PARM1: variants seen among roughly 807,000 people sequenced by gnomAD.
PARM1 encodes WSC4, cell wall integrity and stress response component 4 homolog.
PARM1 carries 14 observed loss-of-function variants against 24.6 expected under a neutral mutation model. The observed-to-expected ratio is 0.57, with a 90% confidence interval of 0.38 to 0.89. PARM1 has a LOEUF of 0.89. Among genes scored for constraint, PARM1 ranks in the 40% least tolerant of loss-of-function variants. PARM1 has a pLI of 0.00. For missense variants in PARM1, 362 were observed against 380.4 expected, an observed-to-expected ratio of 0.95 and a Z score of 0.40; for synonymous variants, 179 against 156.6, an observed-to-expected ratio of 1.14 and a Z score of -1.07.
intron 1 of PARM1, among the ~76,000 whole-genome samples, chr4:74,990,711 A>T (rs143019750): frequency 5.3e-5 from 8 of 152,316 alleles, no homozygotes; most frequent in African/African-American, 1.9e-4. Flanking sequence ...TCAACCAAGC[A>T]TAGTAAATTA....
intron 1 of PARM1, among the ~76,000 whole-genome samples, chr4:74,965,803 C>T (rs371424729): frequency 2.0e-5 from 3 of 152,230 alleles, no homozygotes. Context: ...TCAAAAGTGT[C>T]AAGGTGATGA....
chr4:74,945,973 A>T (rs1269394911), intron 1 of PARM1, among the ~76,000 whole-genome samples: 1 of 152,202 alleles, frequency 6.6e-6, no homozygotes, highest in African/African-American at 2.4e-5. Flanking sequence ...TTTAGGGGTG[A>T]TCTAGGCCAA....
intron 2 of PARM1, among the ~76,000 whole-genome samples, chr4:75,025,875 C>T (rs866255812): frequency 1.3e-5 from 2 of 152,264 alleles, no homozygotes; most frequent in East Asian, 1.9e-4. Flanking sequence ...CCTCACAGTT[C>T]GAATCCCAAT....
intron 1 of PARM1, among the ~76,000 whole-genome samples, chr4:74,951,709 A>G (rs1281982283): frequency 6.6e-6 from 1 of 151,876 alleles, no homozygotes; most frequent in Non-Finnish European, 1.5e-5. Flanking sequence ...TTCCTGTGTT[A>G]GTTTGCTGAG....
At chr4:74,946,937 G>A (rs1036531565) in intron 1 of PARM1, among the ~76,000 whole-genome samples, 25 of 152,240 alleles carry the variant, frequency 1.6e-4, no homozygotes, top group Admixed American at 9.8e-4. Context: ...CTAAGCCTGC[G>A]TTTATTTTGT....
chr4:74,953,902 G>C (rs1474119158), intron 1 of PARM1, among the ~76,000 whole-genome samples: 1 of 152,128 alleles, frequency 6.6e-6, no homozygotes, highest in Non-Finnish European at 1.5e-5. Context: ...CTGGTGAAGT[G>C]GCCTATCTCT....
chr4:75,025,924 T>C (rs969250787), intron 2 of PARM1, among the ~76,000 whole-genome samples: 1 of 152,184 alleles, frequency 6.6e-6, no homozygotes, highest in African/African-American at 2.4e-5. Flanking sequence ...AGTATAAACA[T>C]GAGGTAAAAC....
chr4:74,944,033 A>G (rs906704453), intron 1 of PARM1, among the ~76,000 whole-genome samples: 2 of 152,194 alleles, frequency 1.3e-5, no homozygotes, highest in Non-Finnish European at 2.9e-5. Context: ...CCTGCACCTT[A>G]GCTGAGGTGG....
At chr4:74,999,884 G>A (rs1411710766) in intron 1 of PARM1, among the ~76,000 whole-genome samples, 1 of 152,150 alleles carries the variant, frequency 6.6e-6, no homozygotes, top group African/African-American at 2.4e-5. Context: ...GACTCATTTT[G>A]AAAACTGCCC....
In PARM1 at chr4:74,950,530, G is replaced by A. The variant is rs527289820; in HGVS notation, c.43+17160G>A. 9.2e-5 allele frequency among the ~76,000 whole-genome samples: 14 copies of A among 152,298 alleles called. No homozygotes were observed. In the South Asian group the frequency reaches 2.9e-3, roughly 32 times the overall value. On this transcript the variant is annotated intron_variant, in intron 1 of 3. Coordinates refer to ENST00000307428, the MANE Select transcript of PARM1 (RefSeq NM_015393.4). ...CTTAACCTGATTATATCTGCAAAGA[G>A]CTTATTTCCAAACAAGGTGACATTC...
At position 74,979,117 on chromosome 4, in the gene PARM1, C is replaced by T. The variant is rs574580596; in HGVS notation, c.44-33308C>T. On this transcript the variant is annotated intron_variant, in intron 1 of 3. Transcript: ENST00000307428. ...AGAAACAACCAAGATCAGAGAGGAA[C>T]AGAAGGAGATAGAGACGCACACACA... is the stretch of plus-strand genomic sequence containing the variant. 2.3e-3 allele frequency among the ~76,000 whole-genome samples: 350 copies of T among 151,396 alleles called. 2 individuals carry two copies. The highest frequency in any genetic ancestry group is 7.7e-3 in the African/African-American group (319 of 41,246).
chr4:75,001,389 T>C (rs1286760826), intron 1 of PARM1, among the ~76,000 whole-genome samples: 2 of 152,162 alleles, frequency 1.3e-5, no homozygotes, highest in Admixed American at 1.3e-4. Flanking sequence ...ATAATTCCAT[T>C]TATATGAAGT....
chr4:74,985,379 G>T (rs1165251519), intron 1 of PARM1, among the ~76,000 whole-genome samples: 1 of 152,132 alleles, frequency 6.6e-6, no homozygotes, highest in Non-Finnish European at 1.5e-5. Flanking sequence ...TTGCATTTTG[G>T]CATACTCAGC....
Position 75,046,166 on chromosome 4 carries a change from T to G in PARM1, c.852T>G (p.His284Gln), listed in dbSNP as rs1723596904. The change falls in exon 4 of 4, where the codon CAT becomes CAG. Residue 284 changes from histidine (H) to glutamine (Q), a missense_variant. By Grantham distance (24) the His-to-Gln change is conservative (BLOSUM62 0). Coordinates refer to ENST00000307428, the MANE Select transcript of PARM1 (RefSeq NM_015393.4). ...FGVAAYLKIR[H>Q]SSYGRLLDDH... The stretch of plus-strand genomic sequence containing the variant: ...CCCTCTTCTGTTTCTCCACCAGGCA[T>G]TCCTCCTATGGAAGACTTTTGGACG... The G allele has an allele frequency of 1.2e-6, 2 of 1,610,426 alleles. No homozygotes were observed. Among genetic ancestry groups the G allele is most frequent in the Non-Finnish European group, 8.5e-7 (1 of 1,176,824 alleles).
At chr4:75,024,724 T>C (rs10023717) in intron 2 of PARM1, among the ~76,000 whole-genome samples, 4,585 of 152,312 alleles carry the variant, frequency 0.03, 242 homozygotes, top group African/African-American at 0.1. Context: ...GACTGAATTT[T>C]GCTCACTCTC....
chr4:74,943,754 A>C (rs1037826287), intron 1 of PARM1, among the ~76,000 whole-genome samples: 4 of 152,228 alleles, frequency 2.6e-5, no homozygotes, highest in African/African-American at 9.6e-5. Flanking sequence ...GAGAATTCCA[A>C]ATAACTAAAA....
intron 1 of PARM1, 44 bp from the exon 2 acceptor site, chr4:75,012,381 C>T (rs149171425): frequency 2.4e-5 from 38 of 1,586,058 alleles, no homozygotes; most frequent in African/African-American, 1.3e-4. Context: ...CACATATTAC[C>T]GTGTTTTCAC....
chr4:74,970,948 T>C (rs927192328), intron 1 of PARM1, among the ~76,000 whole-genome samples: 1 of 152,182 alleles, frequency 6.6e-6, no homozygotes, highest in African/African-American at 2.4e-5. Context: ...GTTTCCTCAC[T>C]CCTGGATTTT....
intron 1 of PARM1, among the ~76,000 whole-genome samples, chr4:74,982,220 C>T (rs542653622): frequency 1.2e-3 from 185 of 152,276 alleles, no homozygotes; most frequent in Non-Finnish European, 2.3e-3. Flanking sequence ...TGCATATTCT[C>T]ACTTATAACT....
Sources: gnomAD v4.1 joint callset for allele counts (sites outside exome capture counted in the v4.1 genomes callset) on GRCh38, gnomAD v4.1.1 for gene constraint, MANE v1.5 for transcripts, NCBI Gene and HGNC (gene_info 2026-07-23, HGNC 2026-07-21) for gene names.